The following RNF6 variants were observed in gnomAD, a reference collection of about 807,000 sequenced individuals.
The protein encoded by RNF6 is ring finger protein 6.
A neutral mutation model predicts 50.1 loss-of-function variants in RNF6; 21 were observed. That is an observed-to-expected ratio of 0.42 (90% confidence interval 0.30 to 0.60). The LOEUF is 0.60. Among genes scored for constraint, RNF6 ranks in the 20% least tolerant of loss-of-function variants. The pLI is 0.20. For missense variants in RNF6, 698 were observed against 838.2 expected (o/e 0.83, Z 2.07); for synonymous variants, 255 against 291.8 (o/e 0.87, Z 1.29).
At chr13:26,139,174 T>C (rs1870804159) in intron 5 of RNF6, among the ~76,000 whole-genome samples, 1 of 151,988 alleles carries the variant, frequency 6.6e-6, no homozygotes, top group Admixed American at 6.6e-5. Flanking sequence ...CCCCAACCAC[T>C]CCATTTCTCC....
Position 26,184,009 on chromosome 13 carries a change from TATATA to T in RNF6, n.768+31460_768+31464del. ...TAAATAAAATATATATATATATATATATATATATATTTTTTTTTTTTTTTTTTTTT... is the reference window on the plus strand; with the variant it reads ...TAAATAAAATATATATATATATATATTATATTTTTTTTTTTTTTTTTTTTT... On this transcript the variant is annotated intron_variant and non_coding_transcript_variant, in intron 5 of 5. Transcript: ENST00000468480. 4.3e-4 allele frequency among the ~76,000 whole-genome samples: 5 copies of T among 11,592 alleles called. No individual in the cohort carries two copies. In the East Asian group the frequency reaches 0.017, roughly 38 times the overall value. 7.6% of individuals were successfully genotyped at this position (11,592 alleles called of 152,430 possible). A position where few individuals can be genotyped will look rare whatever the true frequency, so the allele number is the denominator to read the frequency against.
At chr13:26,151,860 G>A (rs1871622423) in intron 5 of RNF6, among the ~76,000 whole-genome samples, 1 of 152,168 alleles carries the variant, frequency 6.6e-6, no homozygotes, top group Non-Finnish European at 1.5e-5. Context: ...TCTCTTGTAT[G>A]TCTCCCTCTT....
chr13:26,170,954 A>G (rs371770118), intron 5 of RNF6, among the ~76,000 whole-genome samples: 1 of 152,196 alleles, frequency 6.6e-6, no homozygotes, highest in African/African-American at 2.4e-5. Flanking sequence ...AAAGACTATC[A>G]AAGTATTGGA....
intron 2 of RNF6, among the ~76,000 whole-genome samples, 188 bp from the exon 3 acceptor site, chr13:26,219,855 T>C (rs980350460): frequency 6.6e-6 from 1 of 152,200 alleles, no homozygotes; most frequent in Non-Finnish European, 1.5e-5. Flanking sequence ...ACAACACAAT[T>C]GGCACTTACT....
At chr13:26,169,024 A>C (rs1406592457) in intron 5 of RNF6, among the ~76,000 whole-genome samples, 1 of 151,992 alleles carries the variant, frequency 6.6e-6, no homozygotes, top group Non-Finnish European at 1.5e-5. Flanking sequence ...CAAAACCAAA[A>C]AAGCTCCCAG....
At chr13:26,135,214 T>C (rs1382305554) in intron 5 of RNF6, among the ~76,000 whole-genome samples, 1 of 152,232 alleles carries the variant, frequency 6.6e-6, no homozygotes, top group Non-Finnish European at 1.5e-5. Flanking sequence ...CCTTGCAATC[T>C]AGCCATGACC....
chr13:26,207,800 C>T (rs1249278013), downstream of RNF6, among the ~76,000 whole-genome samples: 3 of 152,342 alleles, frequency 2.0e-5, no homozygotes, highest in Middle Eastern at 3.4e-3. Flanking sequence ...GAATATGGGG[C>T]ACTCCTGCTA....
At chr13:26,152,516 T>G (rs948427224) in intron 5 of RNF6, among the ~76,000 whole-genome samples, 1 of 152,250 alleles carries the variant, frequency 6.6e-6, no homozygotes, top group Non-Finnish European at 1.5e-5. Context: ...ATCTTGTATG[T>G]TACACTCCGA....
chr13:26,182,755 T>C (rs1160871749), intron 5 of RNF6, among the ~76,000 whole-genome samples: 2 of 152,112 alleles, frequency 1.3e-5, no homozygotes, highest in Non-Finnish European at 2.9e-5. Flanking sequence ...CAATGAGCCA[T>C]GATCATGCCA....
At chr13:26,182,387 C>T (rs964419874) in intron 5 of RNF6, among the ~76,000 whole-genome samples, 2 of 150,768 alleles carry the variant, frequency 1.3e-5, no homozygotes, top group African/African-American at 2.4e-5. Context: ...ACAGAATGCC[C>T]TCCTCAATGA....
chr13:26,158,585 T>C (rs1872056569), intron 5 of RNF6, among the ~76,000 whole-genome samples: 1 of 152,200 alleles, frequency 6.6e-6, no homozygotes. Context: ...ATATAGTCAC[T>C]GAAAATGACT....
At chr13:26,151,941 G>T (rs528413) in intron 5 of RNF6, among the ~76,000 whole-genome samples, 5,054 of 152,046 alleles carry the variant, frequency 0.033, 272 homozygotes, top group African/African-American at 0.11. Flanking sequence ...TTTTCCTCAC[G>T]CAAGGCACCA....
At chr13:26,181,537 G>A (rs867606592) in intron 5 of RNF6, among the ~76,000 whole-genome samples, 1 of 152,172 alleles carries the variant, frequency 6.6e-6, no homozygotes, top group African/African-American at 2.4e-5. Context: ...AAATGTCCAC[G>A]TCCAGTCTCA....
intron 5 of RNF6, among the ~76,000 whole-genome samples, chr13:26,187,962 A>G (rs1873635834): frequency 6.6e-6 from 1 of 152,250 alleles, no homozygotes; most frequent in Non-Finnish European, 1.5e-5. Context: ...AAATAGAACT[A>G]GAAGTCAACA....
chr13:26,212,363 G>A (rs1255974046), downstream of RNF6, among the ~76,000 whole-genome samples: 1 of 152,162 alleles, frequency 6.6e-6, no homozygotes, highest in African/African-American at 2.4e-5. Context: ...CAACTTTTAT[G>A]AAAACCTTTT....
intron 5 of RNF6, among the ~76,000 whole-genome samples, chr13:26,193,413 A>G (rs1419577114): frequency 6.6e-6 from 1 of 152,222 alleles, no homozygotes; most frequent in East Asian, 1.9e-4. Flanking sequence ...GGAGTTAGCA[A>G]CTGAAATCAT....
chr13:26,150,856 C>T lies in RNF6; in HGVS notation n.769-18405G>A, dbSNP rs950911048. The T allele has an allele frequency of 5.3e-5, 8 of 152,134 alleles. 1 individual carries two copies. The highest frequency in any genetic ancestry group is 6.5e-5 in the Admixed American group (1 of 15,268). 9.4% of individuals were successfully genotyped at this position (152,134 alleles called of 1,614,324 possible). ...TGCCTGAAATCGTAAGAAAAATCAT[C>T]AAAGGTAAGAGAGTTATATATTTTC... On this transcript the variant is annotated intron_variant and non_coding_transcript_variant, in intron 5 of 5. Coordinates refer to the RNF6 transcript ENST00000468480.
chr13:26,172,270 C>T (rs1006938593), intron 5 of RNF6, among the ~76,000 whole-genome samples: 2 of 69,946 alleles, frequency 2.9e-5, no homozygotes, highest in Non-Finnish European at 7.9e-5. Context: ...AGCTGGTTAG[C>T]ACTATGGAAA....
intron 5 of RNF6, among the ~76,000 whole-genome samples, chr13:26,206,419 AG>A (rs1271320694): frequency 6.6e-6 from 1 of 152,176 alleles, no homozygotes; most frequent in Non-Finnish European, 1.5e-5. Context: ...GGCTTCACAG[AG>A]TGTCAAACAC....
Sources: allele counts gnomAD v4.1 joint callset (sites outside exome capture counted in the v4.1 genomes callset), GRCh38; gene constraint gnomAD v4.1.1; transcripts MANE v1.5; gene names NCBI Gene and HGNC (gene_info 2026-07-23, HGNC 2026-07-21).